The following BBX variants were observed in gnomAD, a reference collection of about 807,000 sequenced individuals.
BBX encodes the protein BBX high mobility group box domain containing.
BBX carries 30 observed loss-of-function variants against 100.2 expected under a neutral mutation model. That is an observed-to-expected ratio of 0.30 (90% confidence interval 0.22 to 0.41). BBX has a LOEUF of 0.41. Ranked by LOEUF, BBX falls within the 10% of genes least tolerant of loss-of-function variation. The pLI, the probability that BBX is intolerant of heterozygous loss-of-function variation, is 1.00. For synonymous variants in BBX, 376 were observed against 388.1 expected (o/e 0.97, Z 0.37); for missense variants, 1,023 against 1,129.8 (o/e 0.91, Z 1.35).
intron 10 of BBX, among the ~76,000 whole-genome samples, chr3:107,768,481 GT>G (rs1263228366): frequency 8.5e-5 from 13 of 152,168 alleles, no homozygotes; most frequent in African/African-American, 2.9e-4. Flanking sequence ...CCTTGGCCAT[GT>G]TTTGCTCAAC....
intron 3 of BBX, among the ~76,000 whole-genome samples, chr3:107,697,778 G>A (rs186931527): frequency 0.021 from 3,179 of 151,884 alleles, 68 homozygotes; most frequent in Non-Finnish European, 0.03. Context: ...GGGCAATGGC[G>A]GGCGCCCCTC....
intron 2 of BBX, among the ~76,000 whole-genome samples, chr3:107,636,292 T>G (rs1245034629): frequency 6.6e-6 from 1 of 152,122 alleles, no homozygotes; most frequent in African/African-American, 2.4e-5. Flanking sequence ...ACATTCAAGG[T>G]ACATGGAATA....
intron 2 of BBX, among the ~76,000 whole-genome samples, chr3:107,552,408 C>T (rs948238326): frequency 1.0e-4 from 14 of 139,762 alleles, no homozygotes; most frequent in Non-Finnish European, 1.7e-4. Flanking sequence ...ATCCTCTGCT[C>T]ATGTTAGAGA....
chr3:107,710,954 C>A (rs2061681043), intron 4 of BBX, among the ~76,000 whole-genome samples: 1 of 152,180 alleles, frequency 6.6e-6, no homozygotes. Flanking sequence ...GCTCTTCTGG[C>A]CTCTCTGTCT....
chr3:107,671,729 A>C (rs551887264), intron 3 of BBX, among the ~76,000 whole-genome samples: 8 of 152,200 alleles, frequency 5.3e-5, no homozygotes, highest in Non-Finnish European at 1.2e-4. Flanking sequence ...AGCACTGCAA[A>C]CTCATTGCCT....
At chr3:107,705,767 T>G (rs1008497647) in intron 3 of BBX, among the ~76,000 whole-genome samples, 2 of 152,212 alleles carry the variant, frequency 1.3e-5, no homozygotes, top group African/African-American at 2.4e-5. Context: ...GTATTACATG[T>G]GTTCTCACAG....
chr3:107,613,472 A>G (rs1559874084), intron 2 of BBX, among the ~76,000 whole-genome samples: 1 of 151,860 alleles, frequency 6.6e-6, no homozygotes, highest in East Asian at 1.9e-4. Context: ...AAATTTGAAT[A>G]TATACACAAC....
intron 2 of BBX, among the ~76,000 whole-genome samples, chr3:107,630,355 T>A (rs1226349147): frequency 1.3e-5 from 2 of 152,182 alleles, no homozygotes; most frequent in African/African-American, 4.8e-5. Context: ...AGAGTAAATA[T>A]AAGGACTCTT....
chr3:107,801,423 A>T lies in BBX; in HGVS notation c.2738+142A>T, dbSNP rs1369862443. 3.6e-6 allele frequency: 3 copies of T among 830,214 alleles called. No homozygotes were observed. In the East Asian group the frequency reaches 8.1e-5, roughly 22 times the overall value. The allele number at this position is 830,214 out of a possible 1,614,324, so 51.4% of individuals were successfully genotyped here. A position where few individuals can be genotyped will look rare whatever the true frequency, so the allele number is the denominator to read the frequency against. On this transcript the variant is annotated intron_variant, in intron 17 of 17. Coordinates refer to ENST00000325805, the MANE Select transcript of BBX (RefSeq NM_001142568.3). ...TGGTTATATGAGGTATTACAAAAGCATATATGCTAATTAGCAGTGCGGGAA... is the reference window on the plus strand; with the variant it reads ...TGGTTATATGAGGTATTACAAAAGCTTATATGCTAATTAGCAGTGCGGGAA...
chr3:107,775,627 T>C (rs527745324), intron 12 of BBX, among the ~76,000 whole-genome samples: 7 of 152,220 alleles, frequency 4.6e-5, no homozygotes, highest in African/African-American at 1.7e-4. Context: ...TACATTGTTA[T>C]ATTCACCATA....
intron 13 of BBX, among the ~76,000 whole-genome samples, chr3:107,783,370 A>G (rs1175479340): frequency 6.6e-6 from 1 of 152,058 alleles, no homozygotes; most frequent in Non-Finnish European, 1.5e-5. Flanking sequence ...CAAAACTACT[A>G]TGATTGTTAT....
chr3:107,731,463 G>C (rs1183414742), intron 6 of BBX, among the ~76,000 whole-genome samples: 1 of 152,020 alleles, frequency 6.6e-6, no homozygotes, highest in Non-Finnish European at 1.5e-5. Flanking sequence ...TATTTCAACA[G>C]CCATAGTATT....
chr3:107,746,780 A>C (rs2064643556), intron 8 of BBX, among the ~76,000 whole-genome samples: 1 of 152,082 alleles, frequency 6.6e-6, no homozygotes, highest in South Asian at 2.1e-4. Context: ...ATTCCTAAAC[A>C]TCACTTTTAT....
intron 3 of BBX, among the ~76,000 whole-genome samples, chr3:107,675,263 A>G (rs1378932716): frequency 1.3e-5 from 2 of 152,156 alleles, no homozygotes; most frequent in African/African-American, 2.4e-5. Flanking sequence ...GACGGAAATC[A>G]GAGCTTTTCT....
rs532606786 is a variant in BBX, at chr3:107,769,211, T to C, written c.907-3417T>C. Among the ~76,000 whole-genome samples the C allele has an allele frequency of 1.5e-3, 197 of 133,562 alleles. 1 individual carries two copies. Among genetic ancestry groups the C allele is most frequent in the South Asian group, 6.7e-3 (27 of 4,060 alleles). The allele number at this position is 133,562 out of a possible 152,430, so 87.6% of individuals were successfully genotyped here. On this transcript the variant is annotated intron_variant, in intron 10 of 17. Transcript: ENST00000325805. ...ATAGATAGATAGATAGATAGATAGA[T>C]AGATAGATAGATAGATAGACAGATA...
intron 17 of BBX, 69 bp from the exon 18 acceptor site, chr3:107,805,301 T>G: frequency 3.4e-6 from 5 of 1,455,990 alleles, no homozygotes; most frequent in Non-Finnish European, 4.7e-6. Flanking sequence ...ACACTTGTTA[T>G]TCATCGTCCT....
At chr3:107,625,883 G>A (rs2056132659) in intron 2 of BBX, among the ~76,000 whole-genome samples, 2 of 152,036 alleles carry the variant, frequency 1.3e-5, no homozygotes, top group African/African-American at 4.8e-5. Flanking sequence ...TTACATGTAA[G>A]ATTATTTAAA....
intron 3 of BBX, among the ~76,000 whole-genome samples, chr3:107,661,535 A>G (rs2058444582): frequency 6.6e-6 from 1 of 152,200 alleles, no homozygotes; most frequent in Non-Finnish European, 1.5e-5. Context: ...TTACAAGCTC[A>G]GAAAAACCAT....
In BBX at chr3:107,726,928, TG is replaced by T. The variant is rs528918101; in HGVS notation, c.406-1836del. Among the ~76,000 whole-genome samples the T allele has an allele frequency of 7.2e-5, 11 of 152,188 alleles. No individual in the cohort carries two copies. In the East Asian group the frequency reaches 2.1e-3, roughly 29 times the overall value. ...GAAATTAGGATGTGGTGATTATAAC[TG>T]CTCTATGTGATTTTCAGCACCAGCT... On this transcript the variant is annotated intron_variant, in intron 5 of 17. Transcript: ENST00000325805.
Sources: allele counts gnomAD v4.1 joint callset (sites outside exome capture counted in the v4.1 genomes callset), GRCh38; gene constraint gnomAD v4.1.1; transcripts MANE v1.5; gene names NCBI Gene and HGNC (gene_info 2026-07-23, HGNC 2026-07-21).